SLC6A16: variants seen among roughly 807,000 people sequenced by gnomAD.
The protein encoded by SLC6A16 is solute carrier family 6 member 16.
Under a neutral mutation model 65.4 loss-of-function variants are expected in SLC6A16, and 54 were observed. The ratio of observed to expected loss-of-function variants is 0.83; its 90% CI spans 0.66 to 1.04. The LOEUF (loss-of-function observed/expected upper bound fraction) is 1.04. Ranked by LOEUF, SLC6A16 falls within the 50% of genes least tolerant of loss-of-function variation. The pLI is 0.00. For missense variants in SLC6A16, 816 were observed against 914.0 expected (o/e 0.89, Z 1.38); for synonymous variants, 330 against 346.5 (o/e 0.95, Z 0.53).
the SLC6A16 span, chr19:49,331,704 G>A: frequency 2.2e-6 from 1 of 455,992 alleles, no homozygotes; most frequent in East Asian, 7.0e-5. Flanking sequence ...TAAGGATTAT[G>A]GAGGACATTT....
chr19:49,319,579 A>G (rs1376454428), intron 1 of SLC6A16, among the ~76,000 whole-genome samples: 1 of 151,912 alleles, frequency 6.6e-6, no homozygotes, highest in Non-Finnish European at 1.5e-5. Flanking sequence ...AAAGACTCAC[A>G]TAATTGAAAG....
At chr19:49,294,867 C>A (rs976272364) in intron 7 of SLC6A16, among the ~76,000 whole-genome samples, 2 of 152,050 alleles carry the variant, frequency 1.3e-5, no homozygotes, top group African/African-American at 4.8e-5. Context: ...CTGAGACTAA[C>A]GGGTAAGAGC....
At chr19:49,336,786 A>G in the SLC6A16 span, 19 of 992,260 alleles carry the variant, frequency 1.9e-5, no homozygotes, top group Non-Finnish European at 2.7e-5. Context: ...TGGGGCAGGG[A>G]CAGAGTCCCA....
chr19:49,311,537 A>G (rs1970522866), intron 1 of SLC6A16, 126 bp from the exon 2 acceptor site: 2 of 524,284 alleles, frequency 3.8e-6, no homozygotes, highest in Non-Finnish European at 6.4e-6. Flanking sequence ...GCACAAAAAA[A>G]TCTCTTGCAT....
intron 1 of SLC6A16, among the ~76,000 whole-genome samples, chr19:49,323,514 C>T (rs564441611): frequency 6.6e-6 from 1 of 151,970 alleles, no homozygotes; most frequent in Non-Finnish European, 1.5e-5. Flanking sequence ...AACTCAACAA[C>T]AAAGAAACAA....
the SLC6A16 span, chr19:49,336,657 G>T: frequency 2.1e-6 from 1 of 466,366 alleles, no homozygotes. Flanking sequence ...TGAAACTACT[G>T]GGGACGAGGA....
At chr19:49,338,239 G>A in the SLC6A16 span, 5 of 1,407,050 alleles carry the variant, frequency 3.6e-6, no homozygotes, top group East Asian at 2.5e-5. This position sits in a 1 kb window ranked among gnomAD's most constrained non-coding sequence, Gnocchi z 5.0. Context: ...GCGTGGCTTC[G>A]CCATCTACCT....
chr19:49,298,417 T>TA (rs577771883), intron 7 of SLC6A16, among the ~76,000 whole-genome samples: 69 of 152,198 alleles, frequency 4.5e-4, no homozygotes, highest in African/African-American at 1.7e-3. Context: ...TAACCCCATT[T>TA]AAAAAATGGG....
At chr19:49,306,992 G>GGTGATGTA (rs1970402007) in intron 7 of SLC6A16, among the ~76,000 whole-genome samples, 1 of 144,732 alleles carries the variant, frequency 6.9e-6, no homozygotes, top group African/African-American at 2.6e-5. Context: ...GGTTATTCTA[G>GGTGATGTA]TTCTTAATAC....
Position 49,310,116 on chromosome 19 carries a change from G to T in SLC6A16, c.624C>A (p.Ile208=), listed in dbSNP as rs374617787. ...ACTGGAAGGACTGGCTCATGTAGAAGATGATCCAGGAATTGACCACATTGA... is the reference window on the plus strand; with the variant it reads ...ACTGGAAGGACTGGCTCATGTAGAATATGATCCAGGAATTGACCACATTGA... ...LYFNVVNSWI[I]FYMSQSFQFP... Residue 208 remains isoleucine (I), a synonymous_variant, in exon 4 of 12, where the codon ATC becomes ATA. Transcript: ENST00000335875. 4 of 1,613,960 alleles carry T rather than the reference G, an allele frequency of 2.5e-6. No individual in the cohort carries two copies. In the African/African-American group the frequency reaches 4.0e-5, roughly 16 times the overall value.
the SLC6A16 span, chr19:49,339,011 G>C: frequency 8.2e-7 from 1 of 1,215,064 alleles, no homozygotes; most frequent in Non-Finnish European, 1.2e-6. This position sits in a 1 kb window ranked among gnomAD's most constrained non-coding sequence, Gnocchi z 4.5. Context: ...TCAGTGAGTA[G>C]CGGCCTGAGA....
chr19:49,307,728 A>AAAAAAG (rs1256600849), intron 7 of SLC6A16, among the ~76,000 whole-genome samples: 20 of 143,872 alleles, frequency 1.4e-4, no homozygotes, highest in African/African-American at 5.5e-4. Context: ...AGGAAGCAAA[A>AAAAAAG]AAAAAGAAAA....
At position 49,290,702 on chromosome 19, in the gene SLC6A16, G is replaced by C; in HGVS notation, c.1844C>G (p.Pro615Arg). 1 of 1,613,778 alleles carries C rather than the reference G, an allele frequency of 6.2e-7. No individual in the cohort carries two copies. Among genetic ancestry groups the C allele is most frequent in the Non-Finnish European group, 8.5e-7 (1 of 1,179,872 alleles). ...TAGCAGCACAACTGGACACAGATGG[G>C]GCCACAGCCAACCAAAGATGGGAGA... ...PISPIFGWLW[P>R]HLCPVVLLII... Residue 615 changes from proline to arginine, a missense_variant, in exon 11 of 12, where the codon CCC becomes CGC. By Grantham distance (103) the Pro-to-Arg change is moderately radical (BLOSUM62 -2). Coordinates refer to ENST00000335875, the MANE Select transcript of SLC6A16 (RefSeq NM_014037.3).
chr19:49,297,377 C>T (rs1970205353), intron 7 of SLC6A16, among the ~76,000 whole-genome samples: 1 of 152,126 alleles, frequency 6.6e-6, no homozygotes, highest in African/African-American at 2.4e-5. Context: ...CAATGGCATA[C>T]CACACCACAC....
intron 1 of SLC6A16, among the ~76,000 whole-genome samples, chr19:49,320,428 C>CAAACAAAA (rs1555777895): frequency 9.1e-5 from 13 of 142,990 alleles, no homozygotes; most frequent in Admixed American, 8.4e-4. Context: ...AACAAACAAA[C>CAAACAAAA]AAAAAAAAAC....
upstream of SLC6A16, among the ~76,000 whole-genome samples, chr19:49,326,768 C>T (rs1970802425): frequency 6.6e-6 from 1 of 152,172 alleles, no homozygotes; most frequent in African/African-American, 2.4e-5. Flanking sequence ...CCTGTAATCC[C>T]AGCACTTTGG....
In SLC6A16 at chr19:49,290,678, A is replaced by G; in HGVS notation, c.1868T>C (p.Leu623Pro). 1 of 1,614,082 alleles carries G rather than the reference A, an allele frequency of 6.2e-7. No homozygotes were observed. The highest frequency in any genetic ancestry group is 1.1e-5 in the South Asian group (1 of 91,060). Residue 623 changes from leucine (L) to proline (P), a missense_variant, in exon 11 of 12, where the codon CTA (leucine) becomes CCA (proline). By Grantham distance (98) the Leu-to-Pro change is moderately conservative (BLOSUM62 -3). Coordinates refer to ENST00000335875, the MANE Select transcript of SLC6A16 (RefSeq NM_014037.3). ...AACCATCATGGTCACAAAGATGATT[A>G]GCAGCACAACTGGACACAGATGGGG... ...LWPHLCPVVLLIIFVTMMVHL... is the reference protein window; with the variant it reads ...LWPHLCPVVLPIIFVTMMVHL...
At chr19:49,326,118 C>T (rs564814177), upstream of SLC6A16, among the ~76,000 whole-genome samples, 6 of 150,956 alleles carry the variant, frequency 4.0e-5, no homozygotes, top group South Asian at 1.3e-3. Flanking sequence ...TGCAATGAGC[C>T]GAGATTTTGC....
intron 7 of SLC6A16, among the ~76,000 whole-genome samples, chr19:49,305,517 G>A (rs1270008572): frequency 6.6e-6 from 1 of 151,556 alleles, no homozygotes; most frequent in Non-Finnish European, 1.5e-5. Flanking sequence ...GCTTGAACCC[G>A]GGAGGCGGAG....
Sources: allele counts gnomAD v4.1 joint callset (sites outside exome capture counted in the v4.1 genomes callset), GRCh38; gene constraint gnomAD v4.1.1; non-coding constraint Gnocchi (gnomAD v3.1); transcripts MANE v1.5; gene names NCBI Gene and HGNC (gene_info 2026-07-23, HGNC 2026-07-21).